The following TPCN2 variants were observed in gnomAD, a reference collection of about 807,000 sequenced individuals.
TPCN2 encodes two pore channel protein 2.
Under a neutral mutation model 111.4 loss-of-function variants are expected in TPCN2, and 92 were observed. The ratio of observed to expected loss-of-function variants is 0.83; its 90% CI spans 0.70 to 0.98. The LOEUF is 0.98. Among genes scored for constraint, TPCN2 ranks in the 50% least tolerant of loss-of-function variants. The probability of loss-of-function intolerance (pLI) is 0.00; values close to 1 mark genes in which losing one functional copy is unlikely to be tolerated. For synonymous variants in TPCN2, 405 were observed against 414.5 expected, an observed-to-expected ratio of 0.98 and a Z score of 0.28; for missense variants, 995 against 980.1, an observed-to-expected ratio of 1.02 and a Z score of -0.20.
intron 13 of TPCN2, among the ~76,000 whole-genome samples, chr11:69,077,062 G>A (rs1855807450): frequency 2.9e-5 from 2 of 69,464 alleles, no homozygotes; most frequent in African/African-American, 5.6e-5. Context: ...CTCGTGCCAT[G>A]TCCCTCCACT....
intron 7 of TPCN2, 47 bp downstream of exon 7, chr11:69,064,014 G>A: frequency 6.4e-7 from 1 of 1,572,314 alleles, no homozygotes; most frequent in Non-Finnish European, 8.7e-7. Flanking sequence ...GCCCTGTGCT[G>A]TGACTAACAG....
chr11:69,079,015 C>T lies in TPCN2; in HGVS notation c.1534C>T (p.Leu512=), dbSNP rs1204333441. The T allele has an allele frequency of 1.2e-6, 2 of 1,610,158 alleles. No individual in the cohort carries two copies. Among genetic ancestry groups the T allele is most frequent in the South Asian group, 1.1e-5 (1 of 90,590 alleles). The change falls in exon 16 of 25, where the codon CTG becomes TTG. Residue 512 remains leucine, a synonymous_variant. Transcript: ENST00000294309. ...GTTTGACGGGCTCCTCACCGTTGTCCTGCTGGTAAAGTAGGCGCATCCGAG... is the reference window on the plus strand; with the variant it reads ...GTTTGACGGGCTCCTCACCGTTGTCTTGCTGGTAAAGTAGGCGCATCCGAG... ...NVFDGLLTVV[L]LVLEISTLAV...
intron 1 of TPCN2, among the ~76,000 whole-genome samples, chr11:69,050,394 G>C (rs2134504565): frequency 6.6e-6 from 1 of 152,274 alleles, no homozygotes; most frequent in South Asian, 2.1e-4. Context: ...TTTCTTTTTT[G>C]AGATGGAGTA....
intron 7 of TPCN2, among the ~76,000 whole-genome samples, chr11:69,066,512 C>T (rs1054297465): frequency 1.3e-5 from 2 of 152,204 alleles, no homozygotes; most frequent in East Asian, 1.9e-4. Context: ...ACTGGACAGA[C>T]GAGGGGACAG....
At chr11:69,083,919 G>C in intron 18 of TPCN2, 26 bp from the exon 19 acceptor site, 1 of 1,609,966 alleles carries the variant, frequency 6.2e-7, no homozygotes, top group Non-Finnish European at 8.5e-7. Context: ...GGAGGAGTAA[G>C]GGCTGTGCTC....
rs1049067424 is a variant in TPCN2, at chr11:69,089,281, C to T, written c.*1328C>T. ...ATAACAATAACAATATGGAAACCAC[C>T]GCAAACTTGGAGAAAAGTTGTAAGC... On this transcript the variant is annotated 3_prime_UTR_variant, in exon 25 of 25. Transcript: ENST00000294309. 3 of 152,204 alleles carry T rather than the reference C, an allele frequency of 2.0e-5. No homozygotes were observed. The highest frequency in any genetic ancestry group is 2.1e-4 in the South Asian group (1 of 4,828). The allele number at this position is 152,204 out of a possible 1,614,324, so 9.4% of individuals were successfully genotyped here.
intron 17 of TPCN2, among the ~76,000 whole-genome samples, chr11:69,080,856 G>A (rs1855976235): frequency 1.3e-5 from 2 of 152,214 alleles, no homozygotes; most frequent in Admixed American, 1.3e-4. Context: ...GACACTGTGG[G>A]TGAGAATGGG....
chr11:69,071,322 T>C, intron 9 of TPCN2, 34 bp from the exon 10 acceptor site: 1 of 1,596,218 alleles, frequency 6.3e-7, no homozygotes, highest in Non-Finnish European at 8.6e-7. Flanking sequence ...GCTGTACTGG[T>C]GGCGCCCCTG....
At position 69,055,269 on chromosome 11, in the gene TPCN2, G is replaced by A; in HGVS notation, c.346G>A (p.Ala116Thr). The change falls in exon 4 of 25, where the codon GCT becomes ACT. Residue 116 changes from alanine to threonine, a missense_variant. Transcript: ENST00000294309. ...CACGGCGGACGTGCGCTACCGCGCT[G>A]CTCCCTGGGAGCCGCCCTGCGGCCT... ...TSTADVRYRA[A>T]PWEPPCGLTE... 1 of 1,614,118 alleles carries A rather than the reference G, an allele frequency of 6.2e-7. No homozygotes were observed.
chr11:69,078,813 C>T lies in TPCN2; in HGVS notation c.1410+20C>T, dbSNP rs1238084878. ...CTGGGGGTAAGTTCTGAGCTGTCCA[C>T]CTGTCAGGGCCAGGGTGAGGCTGGG... On this transcript the variant is annotated intron_variant, in intron 15 of 24. Coordinates refer to ENST00000294309, the MANE Select transcript of TPCN2 (RefSeq NM_139075.4). The T allele has an allele frequency of 6.2e-7, 1 of 1,614,112 alleles. No individual in the cohort carries two copies.
intron 5 of TPCN2, among the ~76,000 whole-genome samples, chr11:69,058,915 C>T (rs1464591089): frequency 6.6e-6 from 1 of 152,254 alleles, no homozygotes; most frequent in Non-Finnish European, 1.5e-5. Context: ...TTGTAAGCCA[C>T]ACCAAGAATC....
chr11:69,061,412 C>T (rs757203117), intron 5 of TPCN2, among the ~76,000 whole-genome samples: 2 of 152,136 alleles, frequency 1.3e-5, no homozygotes, highest in African/African-American at 2.4e-5. Flanking sequence ...GACAGCTCTG[C>T]GTTTCTAAAA....
chr11:69,069,277 C>G (rs543821421), intron 8 of TPCN2, among the ~76,000 whole-genome samples: 921 of 13,954 alleles, frequency 0.066, 25 homozygotes, highest in African/African-American at 0.074. Flanking sequence ...AGTGACCGCA[C>G]TGGGAGCAGG....
At chr11:69,063,467 A>G (rs1855114587) in intron 6 of TPCN2, among the ~76,000 whole-genome samples, 1 of 152,084 alleles carries the variant, frequency 6.6e-6, no homozygotes, top group East Asian at 2.0e-4. Flanking sequence ...CCCCAGGCCC[A>G]GCCTCCATCC....
intron 1 of TPCN2, among the ~76,000 whole-genome samples, chr11:69,052,570 C>T (rs551219664): frequency 1.2e-4 from 19 of 152,240 alleles, no homozygotes; most frequent in Non-Finnish European, 2.5e-4. Context: ...AAGGCTCTTG[C>T]TCCCGGCAGT....
At position 69,054,082 on chromosome 11, in the gene TPCN2, C is replaced by T. The variant is rs11604928; in HGVS notation, c.159C>T (p.Ile53=). 1.3e-3 allele frequency: 2,038 copies of T among 1,613,570 alleles called. 1 individual carries two copies. Among genetic ancestry groups the T allele is most frequent in the Non-Finnish European group, 1.6e-3 (1,882 of 1,179,952 alleles). The part of the protein sequence containing the change: ...DLCIDQAVVF[I]EDAIQYRSIN... ...GCATTGATCAGGCTGTGGTCTTCAT[C>T]GAAGATGCTATTCAGGTCGGTGGCA... is the stretch of plus-strand genomic sequence containing the variant. Residue 53 remains isoleucine, a synonymous_variant, in exon 2 of 25, where the codon ATC becomes ATT. Coordinates refer to ENST00000294309, the MANE Select transcript of TPCN2 (RefSeq NM_139075.4).
At chr11:69,066,344 G>A (rs566609911) in intron 7 of TPCN2, among the ~76,000 whole-genome samples, 25 of 152,278 alleles carry the variant, frequency 1.6e-4, no homozygotes, top group Middle Eastern at 3.4e-3. Context: ...GGAGGGGCCC[G>A]CCTAGCTCTC....
chr11:69,055,491 A>G (rs1854715276), intron 4 of TPCN2, 139 bp downstream of exon 4: 5 of 896,990 alleles, frequency 5.6e-6, no homozygotes, highest in Admixed American at 3.1e-5. Context: ...AGCAAGGCAC[A>G]CTTTCTTGGA....
At position 69,085,700 on chromosome 11, in the gene TPCN2, G is replaced by T. The variant is rs1216485663; in HGVS notation, c.1868G>T (p.Cys623Phe). 6.2e-7 allele frequency: 1 copy of T among 1,613,856 alleles called. No homozygotes were observed. The highest frequency in any genetic ancestry group is 8.5e-7 in the Non-Finnish European group (1 of 1,179,950). Residue 623 changes from cysteine (C) to phenylalanine (F), a missense_variant, in exon 21 of 25, where the codon TGT (cysteine) becomes TTT (phenylalanine). By Grantham distance (205) the Cys-to-Phe change is radical (BLOSUM62 -2). Coordinates refer to ENST00000294309, the MANE Select transcript of TPCN2 (RefSeq NM_139075.4). ...GCCCCTGCCAATGGCTCGGCGCCCT[G>T]TGGGAGCTTCGAGCAGCTGGAGTAC... ...SLAPANGSAP[C>F]GSFEQLEYWA...
Sources: allele counts gnomAD v4.1 joint callset (sites outside exome capture counted in the v4.1 genomes callset), GRCh38; gene constraint gnomAD v4.1.1; transcripts MANE v1.5; gene names NCBI Gene and HGNC (gene_info 2026-07-23, HGNC 2026-07-21).